Variants in PSMB1 observed in about 807,000 individuals in gnomAD.
The protein encoded by PSMB1 is proteasome subunit beta type-1.
In PSMB1, 7 loss-of-function variants were observed where a neutral mutation model predicts 25.4. That is an observed-to-expected ratio of 0.28 (90% CI 0.16 to 0.52). The LOEUF (loss-of-function observed/expected upper bound fraction) is 0.52, where lower values mean the gene tolerates loss of function less well. Ranked by LOEUF, PSMB1 falls within the 20% of genes least tolerant of loss-of-function variation. The probability of loss-of-function intolerance (pLI) is 0.97; values close to 1 mark genes in which losing one functional copy is unlikely to be tolerated. For synonymous variants in PSMB1, 119 were observed against 115.0 expected, an observed-to-expected ratio of 1.03 and a Z score of -0.22; for missense variants, 284 against 302.2, an observed-to-expected ratio of 0.94 and a Z score of 0.45.
chr6:170,544,987 T>C (rs1267612165), intron 3 of PSMB1, among the ~76,000 whole-genome samples: 1 of 151,792 alleles, frequency 6.6e-6, no homozygotes, highest in Non-Finnish European at 1.5e-5. Flanking sequence ...TCTACTAAAA[T>C]ACAAAAATTA....
chr6:170,539,063 G>A (rs1001216823), intron 4 of PSMB1, among the ~76,000 whole-genome samples: 1 of 151,976 alleles, frequency 6.6e-6, no homozygotes, highest in Admixed American at 6.6e-5. Context: ...AAGCAAGAGA[G>A]ACACTAGTAA....
At chr6:170,542,365 C>T (rs967157751) in intron 4 of PSMB1, among the ~76,000 whole-genome samples, 1 of 152,104 alleles carries the variant, frequency 6.6e-6, no homozygotes, top group Non-Finnish European at 1.5e-5. Context: ...TTTTCCCTCA[C>T]AGGATTTAGG....
At chr6:170,544,901 T>C (rs190364173) in intron 3 of PSMB1, among the ~76,000 whole-genome samples, 1 of 152,166 alleles carries the variant, frequency 6.6e-6, no homozygotes, top group East Asian at 1.9e-4. Context: ...TCCCAGCACT[T>C]TGGGAGGCCG....
intron 4 of PSMB1, among the ~76,000 whole-genome samples, chr6:170,539,630 A>G (rs1424400627): frequency 2.6e-5 from 4 of 152,210 alleles, no homozygotes; most frequent in Admixed American, 2.0e-4. Flanking sequence ...GGAAGGTTAT[A>G]TAAAATCGGG....
At chr6:170,541,562 G>A (rs1778759410) in intron 4 of PSMB1, among the ~76,000 whole-genome samples, 1 of 152,134 alleles carries the variant, frequency 6.6e-6, no homozygotes, top group African/African-American at 2.4e-5. Flanking sequence ...GAAAATGGAG[G>A]TAAGTACCAG....
chr6:170,550,826 C>T (rs1293982479), intron 1 of PSMB1, among the ~76,000 whole-genome samples: 1 of 142,252 alleles, frequency 7.0e-6, no homozygotes, highest in Non-Finnish European at 1.5e-5. Context: ...AGAATGATGG[C>T]ATAATTATAA....
intron 5 of PSMB1, among the ~76,000 whole-genome samples, chr6:170,536,917 AT>A (rs1160526931): frequency 6.6e-6 from 1 of 152,158 alleles, no homozygotes; most frequent in Non-Finnish European, 1.5e-5. Flanking sequence ...GGAAAAAGGC[AT>A]TTTTATGATC....
chr6:170,548,927 A>G, intron 2 of PSMB1, 79 bp downstream of exon 2: 1 of 1,085,682 alleles, frequency 9.2e-7, no homozygotes. Context: ...CATGAAACAA[A>G]TCATTTAGAA....
intron 1 of PSMB1, among the ~76,000 whole-genome samples, chr6:170,552,463 A>T (rs1041566573): frequency 3.9e-5 from 6 of 152,204 alleles, no homozygotes; most frequent in African/African-American, 1.4e-4. Context: ...AAGAACACAC[A>T]TACTAAAAGG....
At chr6:170,550,890 A>G (rs1778886498) in intron 1 of PSMB1, among the ~76,000 whole-genome samples, 1 of 99,892 alleles carries the variant, frequency 1.0e-5, no homozygotes, top group Admixed American at 1.3e-4. Flanking sequence ...TAATCCCAAC[A>G]CTTTGGGAGG....
rs373745919 is a variant in PSMB1, at chr6:170,536,290, C to T, written c.541-885G>A. 2.1e-4 allele frequency: 91 copies of T among 431,394 alleles called. No individual in the cohort carries two copies. In the Middle Eastern group the frequency reaches 3.5e-3, roughly 16 times the overall value. The allele number at this position is 431,394 out of a possible 1,614,324, so 26.7% of individuals were successfully genotyped here. A position where few individuals can be genotyped will look rare whatever the true frequency, so the allele number is the denominator to read the frequency against. ...TATATGTAGATACTAGCTATTTTAT[C>T]ATTTACTACCATAAAATACACATAA... On this transcript the variant is annotated intron_variant, in intron 5 of 5. Coordinates refer to ENST00000262193, the MANE Select transcript of PSMB1 (RefSeq NM_002793.4).
At chr6:170,550,895 G>A (rs1778886596) in intron 1 of PSMB1, among the ~76,000 whole-genome samples, 1 of 63,636 alleles carries the variant, frequency 1.6e-5, no homozygotes, top group African/African-American at 7.5e-5. Flanking sequence ...CCAACACTTT[G>A]GGAGGCTGAG....
At chr6:170,543,853 T>C in intron 3 of PSMB1, 123 bp from the exon 4 acceptor site, 1 of 999,562 alleles carries the variant, frequency 1.0e-6, no homozygotes. Context: ...CATGCCTATT[T>C]CCTTCATGAT....
chr6:170,539,460 T>C (rs933574879), intron 4 of PSMB1, among the ~76,000 whole-genome samples: 3 of 151,930 alleles, frequency 2.0e-5, no homozygotes, highest in Non-Finnish European at 4.4e-5. Context: ...AACCTGCAAA[T>C]AAGGAAATGG....
chr6:170,535,374 T>A lies in PSMB1; in HGVS notation c.572A>T (p.His191Leu). 6.2e-7 allele frequency: 1 copy of A among 1,613,898 alleles called. No individual in the cohort carries two copies. Among genetic ancestry groups the A allele is most frequent in the Non-Finnish European group, 8.5e-7 (1 of 1,179,962 alleles). Reference sequence around the variant, plus strand: ...GGCTCTGTCCAAGGACAGCGGAACATGCTCCACATTCTGCATGTTCTTAAA... The same window carrying A: ...GGCTCTGTCCAAGGACAGCGGAACAAGCTCCACATTCTGCATGTTCTTAAA... ...VGFKNMQNVEHVPLSLDRAMR... is the reference protein window; with the variant it reads ...VGFKNMQNVELVPLSLDRAMR... Residue 191 changes from histidine (H) to leucine (L), a missense_variant, in exon 6 of 6, where the codon CAT becomes CTT. Coordinates refer to ENST00000262193, the MANE Select transcript of PSMB1 (RefSeq NM_002793.4).
chr6:170,547,373 A>G (rs1778831989), intron 2 of PSMB1, among the ~76,000 whole-genome samples: 1 of 152,254 alleles, frequency 6.6e-6, no homozygotes, highest in Non-Finnish European at 1.5e-5. Flanking sequence ...GTATAGACAT[A>G]CAAATTCAAC....
chr6:170,546,221 G>C, intron 2 of PSMB1, 37 bp from the exon 3 acceptor site: 1 of 1,533,886 alleles, frequency 6.5e-7, no homozygotes, highest in Non-Finnish European at 9.0e-7. Flanking sequence ...GAGCTGGTTA[G>C]ATAGTAGAGC....
intron 4 of PSMB1, among the ~76,000 whole-genome samples, chr6:170,537,828 G>A (rs955771951): frequency 6.6e-6 from 1 of 152,186 alleles, no homozygotes; most frequent in African/African-American, 2.4e-5. Flanking sequence ...GAGAGATGGT[G>A]AGGTTTCTGT....
rs1778675114 is a variant in PSMB1, at chr6:170,535,207, A to G, written c.*13T>C. Reference sequence around the variant, plus strand: ...AACCAGGTCTGAACTGATTGGTGATAAGAGCACACAGATCAGTCCTTCCTT... The same window carrying G: ...AACCAGGTCTGAACTGATTGGTGATGAGAGCACACAGATCAGTCCTTCCTT... On this transcript the variant is annotated 3_prime_UTR_variant, in exon 6 of 6. Coordinates refer to ENST00000262193, the MANE Select transcript of PSMB1 (RefSeq NM_002793.4). The G allele has an allele frequency of 1.9e-6, 3 of 1,611,926 alleles. No individual in the cohort carries two copies. The highest frequency in any genetic ancestry group is 3.3e-5 in the Admixed American group (2 of 59,910).
Sources: allele counts gnomAD v4.1 joint callset (sites outside exome capture counted in the v4.1 genomes callset), GRCh38; gene constraint gnomAD v4.1.1; transcripts MANE v1.5; gene names NCBI Gene and HGNC (gene_info 2026-07-23, HGNC 2026-07-21).